The following EEFSEC variants were observed in gnomAD, a reference collection of about 807,000 sequenced individuals.
EEFSEC encodes selenocysteine-specific elongation factor.
EEFSEC carries 43 observed loss-of-function variants against 42.1 expected under a neutral mutation model. That is an observed-to-expected ratio of 1.02 (90% CI 0.80 to 1.32). The LOEUF (loss-of-function observed/expected upper bound fraction) is 1.32, where lower values mean the gene tolerates loss of function less well. EEFSEC is among the 40% of genes most tolerant of loss of function. EEFSEC has a pLI of 0.00. For missense variants in EEFSEC, 745 were observed against 803.6 expected (o/e 0.93, Z 0.88); for synonymous variants, 354 against 339.1 (o/e 1.04, Z -0.48).
chr3:128,381,600 T>A (rs1484462523), intron 6 of EEFSEC, among the ~76,000 whole-genome samples: 1 of 152,140 alleles, frequency 6.6e-6, no homozygotes, highest in Non-Finnish European at 1.5e-5. Context: ...CAGCTCAGGC[T>A]AGGACTCAGT....
intron 5 of EEFSEC, among the ~76,000 whole-genome samples, chr3:128,356,895 C>T (rs901501103): frequency 4.6e-5 from 7 of 152,396 alleles, no homozygotes; most frequent in African/African-American, 1.7e-4. Context: ...AGAGGCTGTG[C>T]TCCACTTCTT....
downstream of EEFSEC, chr3:128,408,767 TCA>T (rs1435791431): frequency 6.5e-6 from 1 of 152,756 alleles, no homozygotes; most frequent in African/African-American, 2.4e-5. Context: ...GGACCCAAAC[TCA>T]GAGTCTGTAG....
intron 1 of EEFSEC, among the ~76,000 whole-genome samples, chr3:128,159,151 C>T (rs556306483): frequency 1.2e-4 from 19 of 152,356 alleles, no homozygotes; most frequent in African/African-American, 4.1e-4. Context: ...AGTGCCTGCT[C>T]GGGCCCAGGC....
At chr3:128,176,981 G>GATTATTATT (rs71615969) in intron 1 of EEFSEC, among the ~76,000 whole-genome samples, 2,858 of 146,560 alleles carry the variant, frequency 0.02, 41 homozygotes, top group Middle Eastern at 0.046. Context: ...GAACATACTG[G>GATTATTATT]ATTATTATTA....
chr3:128,164,683 C>T (rs917923755), intron 1 of EEFSEC, among the ~76,000 whole-genome samples: 1 of 152,124 alleles, frequency 6.6e-6, no homozygotes, highest in Non-Finnish European at 1.5e-5. Context: ...CTAGAGGACT[C>T]AGAGTAAACA....
chr3:128,157,112 G>C (rs1414069088), intron 1 of EEFSEC, among the ~76,000 whole-genome samples: 1 of 152,234 alleles, frequency 6.6e-6, no homozygotes, highest in Non-Finnish European at 1.5e-5. Context: ...TATAGAGAAA[G>C]TTTTAGTGGT....
At chr3:128,223,083 G>T (rs565057876) in intron 1 of EEFSEC, among the ~76,000 whole-genome samples, 49 of 152,338 alleles carry the variant, frequency 3.2e-4, no homozygotes, top group Admixed American at 2.6e-3. Flanking sequence ...CTCATGGCTA[G>T]TAATTCAATC....
At chr3:128,169,997 A>AC (rs1362268007) in intron 1 of EEFSEC, among the ~76,000 whole-genome samples, 3 of 152,132 alleles carry the variant, frequency 2.0e-5, no homozygotes. Context: ...TTTCCTCCAG[A>AC]AACAAGTTTG....
intron 4 of EEFSEC, among the ~76,000 whole-genome samples, chr3:128,340,903 G>C (rs1160511495): frequency 2.0e-5 from 3 of 152,208 alleles, no homozygotes; most frequent in Non-Finnish European, 4.4e-5. Context: ...AACTTGGAGG[G>C]ACTGGAGCCT....
At chr3:128,197,939 T>C (rs1203586742) in intron 1 of EEFSEC, among the ~76,000 whole-genome samples, 1 of 152,224 alleles carries the variant, frequency 6.6e-6, no homozygotes. Context: ...TTTTCAGTTA[T>C]TAAAAAACTG....
intron 6 of EEFSEC, among the ~76,000 whole-genome samples, chr3:128,394,802 G>A (rs2067961868): frequency 6.6e-6 from 1 of 152,190 alleles, no homozygotes; most frequent in African/African-American, 2.4e-5. Context: ...CATTGGAAGG[G>A]GCAGGCTGGG....
chr3:128,160,524 G>T (rs1240679067), intron 1 of EEFSEC, among the ~76,000 whole-genome samples: 1 of 152,150 alleles, frequency 6.6e-6, no homozygotes, highest in African/African-American at 2.4e-5. Context: ...GATATGATTG[G>T]GCTGAGCTTT....
At chr3:128,274,228 G>A (rs1204472352) in intron 4 of EEFSEC, among the ~76,000 whole-genome samples, 1 of 152,236 alleles carries the variant, frequency 6.6e-6, no homozygotes, top group East Asian at 1.9e-4. Flanking sequence ...TGCTGGCCCT[G>A]TGAGCTCAAG....
At chr3:128,207,583 ACAC>A (rs2065711838) in intron 1 of EEFSEC, among the ~76,000 whole-genome samples, 1 of 151,560 alleles carries the variant, frequency 6.6e-6, no homozygotes, top group African/African-American at 2.4e-5. Flanking sequence ...ACACACACAC[ACAC>A]ACACACACAC....
At chr3:128,256,175 G>A (rs2066239854) in intron 2 of EEFSEC, among the ~76,000 whole-genome samples, 1 of 152,136 alleles carries the variant, frequency 6.6e-6, no homozygotes, top group Admixed American at 6.5e-5. Flanking sequence ...GTCTCAAATT[G>A]GTACTGTTGT....
intron 5 of EEFSEC, among the ~76,000 whole-genome samples, chr3:128,357,633 A>T (rs2067470921): frequency 6.6e-6 from 1 of 152,076 alleles, no homozygotes; most frequent in African/African-American, 2.4e-5. Flanking sequence ...CGGGTGGGAG[A>T]CAAAGGCCAG....
chr3:128,408,413 G>C lies in EEFSEC; in HGVS notation c.*154G>C. 1.3e-6 allele frequency: 1 copy of C among 781,506 alleles called. No individual in the cohort carries two copies. Among genetic ancestry groups the C allele is most frequent in the East Asian group, 3.1e-5 (1 of 32,316 alleles). 48.4% of individuals were successfully genotyped at this position (781,506 alleles called of 1,614,324 possible). ...CAAGCTTGGTGCTGAGCCCTGGTGA[G>C]GAGCTGAGGGGGATGGGTTGCTGGG... On this transcript the variant is annotated 3_prime_UTR_variant, in exon 7 of 7. Transcript: ENST00000254730.
At chr3:128,335,287 G>A (rs1172504428) in intron 4 of EEFSEC, among the ~76,000 whole-genome samples, 1 of 152,224 alleles carries the variant, frequency 6.6e-6, no homozygotes, top group Non-Finnish European at 1.5e-5. Context: ...GCCAAGCGTT[G>A]GGAAGCTCTA....
chr3:128,184,227 C>T (rs896849266), intron 1 of EEFSEC, among the ~76,000 whole-genome samples: 12 of 152,142 alleles, frequency 7.9e-5, no homozygotes, highest in African/African-American at 2.9e-4. Context: ...TTTAAGTATA[C>T]AGTTCAGTGG....
Sources: allele counts gnomAD v4.1 joint callset (sites outside exome capture counted in the v4.1 genomes callset), GRCh38; gene constraint gnomAD v4.1.1; transcripts MANE v1.5; gene names NCBI Gene and HGNC (gene_info 2026-07-23, HGNC 2026-07-21).